IGSF23: variants seen among roughly 807,000 people sequenced by gnomAD.
IGSF23 encodes immunoglobulin superfamily member 23, also known as immunoglobulin superfamily, member 23.
IGSF23 carries 14 observed loss-of-function variants against 17.8 expected under a neutral mutation model. The ratio of observed to expected loss-of-function variants is 0.79; its 90% CI spans 0.52 to 1.23. The LOEUF is 1.23. Among genes scored for constraint, IGSF23 ranks in the 50% most tolerant of loss-of-function variants. IGSF23 has a pLI of 0.00. For synonymous variants in IGSF23, 85 were observed against 92.5 expected (o/e 0.92, Z 0.46); for missense variants, 214 against 241.7 (o/e 0.89, Z 0.76).
chr19:44,625,712 G>C (rs1972630485), intron 2 of IGSF23, among the ~76,000 whole-genome samples: 2 of 152,172 alleles, frequency 1.3e-5, no homozygotes, highest in South Asian at 4.1e-4. Flanking sequence ...GACACATGGT[G>C]ATATGGTTTG....
intron 1 of IGSF23, among the ~76,000 whole-genome samples, chr19:44,619,889 A>G (rs555228728): frequency 2.0e-5 from 3 of 152,134 alleles, no homozygotes; most frequent in Non-Finnish European, 4.4e-5. Context: ...GTTTCAACAT[A>G]TATGTTTGGT....
At chr19:44,618,189 GA>G (rs1402170728) in intron 1 of IGSF23, 1 of 470,976 alleles carries the variant, frequency 2.1e-6, no homozygotes, top group Non-Finnish European at 4.4e-6. Context: ...CGGAAGGCTT[GA>G]AGGCATTCTC....
intron 1 of IGSF23, among the ~76,000 whole-genome samples, chr19:44,621,990 G>A (rs1253927341): frequency 1.3e-5 from 2 of 152,048 alleles, no homozygotes; most frequent in East Asian, 1.9e-4. Flanking sequence ...GGGAGGCCGA[G>A]GCGGGTGGAT....
chr19:44,620,341 TTGTGTGTGTGTGTG>T (rs373422531), intron 1 of IGSF23, among the ~76,000 whole-genome samples: 312 of 139,376 alleles, frequency 2.2e-3, no homozygotes, highest in Middle Eastern at 7.1e-3. Context: ...ATGACTAATT[TTGTGTGTGTGTGTG>T]TGTGTGTGTG....
chr19:44,617,464 G>C (rs1328299348), intron 1 of IGSF23, among the ~76,000 whole-genome samples: 1 of 152,100 alleles, frequency 6.6e-6, no homozygotes, highest in African/African-American at 2.4e-5. Context: ...TAATGCATAT[G>C]TTAATTAGCT....
chr19:44,623,661 G>A (rs1295965214), intron 1 of IGSF23, 46 bp from the exon 2 acceptor site: 1 of 1,532,424 alleles, frequency 6.5e-7, no homozygotes, highest in Admixed American at 2.0e-5. Flanking sequence ...CAGCTTTTCT[G>A]AGTGGACTCC....
chr19:44,619,147 G>C (rs971334959), intron 1 of IGSF23, among the ~76,000 whole-genome samples: 1 of 151,300 alleles, frequency 6.6e-6, no homozygotes, highest in Admixed American at 6.6e-5. Flanking sequence ...GCAAGAGAAA[G>C]AGAGAGTCAG....
chr19:44,634,158 A>T (rs974619219), intron 3 of IGSF23, among the ~76,000 whole-genome samples: 3 of 152,194 alleles, frequency 2.0e-5, no homozygotes, highest in Non-Finnish European at 4.4e-5. Context: ...CAGACATTGT[A>T]CGGGTGTGAG....
At chr19:44,624,474 G>T (rs144502087) in intron 2 of IGSF23, among the ~76,000 whole-genome samples, 1 of 151,572 alleles carries the variant, frequency 6.6e-6, no homozygotes, top group African/African-American at 2.4e-5. Flanking sequence ...TAGGAGAGAC[G>T]GGGTTTCACT....
At chr19:44,633,663 G>A (rs1316124688) in intron 3 of IGSF23, among the ~76,000 whole-genome samples, 1 of 152,170 alleles carries the variant, frequency 6.6e-6, no homozygotes, top group Non-Finnish European at 1.5e-5. Flanking sequence ...CCACGTGGAC[G>A]ACCAGTGCTG....
chr19:44,636,124 C>G (rs1599748712), intron 4 of IGSF23, among the ~76,000 whole-genome samples: 1 of 152,320 alleles, frequency 6.6e-6, no homozygotes, highest in African/African-American at 2.4e-5. Context: ...GCAGAAACTT[C>G]AAGGCCCCTT....
chr19:44,615,834 T>C (rs1972361783), intron 1 of IGSF23, among the ~76,000 whole-genome samples: 2 of 131,154 alleles, frequency 1.5e-5, no homozygotes, highest in African/African-American at 6.0e-5. Context: ...AAAAGGAGAT[T>C]GGAAAGTTTC....
intron 1 of IGSF23, among the ~76,000 whole-genome samples, chr19:44,617,222 T>TAA (rs56267275): frequency 1.0e-4 from 12 of 115,184 alleles, no homozygotes; most frequent in Non-Finnish European, 1.4e-4. Flanking sequence ...ACTCTTATAT[T>TAA]AAAAAAAAAA....
intron 1 of IGSF23, among the ~76,000 whole-genome samples, chr19:44,620,475 T>C (rs1972494874): frequency 6.6e-6 from 1 of 151,490 alleles, no homozygotes; most frequent in South Asian, 2.1e-4. Flanking sequence ...CAAGCGAGTC[T>C]CCTGCCTCAG....
intron 1 of IGSF23, among the ~76,000 whole-genome samples, chr19:44,618,978 AT>A (rs1056457726): frequency 2.2e-5 from 2 of 92,788 alleles, no homozygotes; most frequent in African/African-American, 4.0e-5. Context: ...TGGGTTATTT[AT>A]TTAAAAAAAA....
rs772309809 is a variant in IGSF23, at chr19:44,613,760, G to A, written c.115G>A (p.Ala39Thr). ...GGATGCGGCTGGAGGTGACTTCCCA[G>A]CCAACTTGGTGTAAGTCATGTGGGG... ...EKDAAGGDFP[A>T]NLVLQLMPLK... The change falls in exon 1 of 5, where the codon GCC becomes ACC. Residue 39 changes from alanine to threonine, a missense_variant. Coordinates refer to ENST00000402988, the MANE Select transcript of IGSF23 (RefSeq NM_001205280.2). The A allele has an allele frequency of 7.0e-5, 108 of 1,550,356 alleles. No individual in the cohort carries two copies. The highest frequency in any genetic ancestry group is 8.7e-5 in the Non-Finnish European group (100 of 1,146,930).
At chr19:44,617,001 G>C (rs1344961201) in intron 1 of IGSF23, among the ~76,000 whole-genome samples, 1 of 151,806 alleles carries the variant, frequency 6.6e-6, no homozygotes, top group African/African-American at 2.4e-5. Flanking sequence ...TGGACTTGAG[G>C]AATCTTCCCA....
intron 3 of IGSF23, among the ~76,000 whole-genome samples, chr19:44,628,802 C>T (rs367989566): frequency 2.6e-5 from 4 of 151,898 alleles, no homozygotes; most frequent in African/African-American, 4.8e-5. Context: ...GTTGGATGAG[C>T]GCTAAGGAGA....
chr19:44,623,411 A>G (rs796983843), intron 1 of IGSF23, among the ~76,000 whole-genome samples: 7 of 152,214 alleles, frequency 4.6e-5, no homozygotes, highest in African/African-American at 1.7e-4. Context: ...CTGCTCCCTG[A>G]TGTGCTCATT....
Sources: allele counts gnomAD v4.1 joint callset (sites outside exome capture counted in the v4.1 genomes callset), GRCh38; gene constraint gnomAD v4.1.1; transcripts MANE v1.5; gene names NCBI Gene and HGNC (gene_info 2026-07-23, HGNC 2026-07-21).